Variants in EVC2 observed in about 807,000 individuals in gnomAD.
EVC2 encodes limbin.
A neutral mutation model predicts 149.3 loss-of-function variants in EVC2; 148 were observed. The ratio of observed to expected loss-of-function variants is 0.99; its 90% CI spans 0.87 to 1.14. The LOEUF (loss-of-function observed/expected upper bound fraction) is 1.14, where lower values mean the gene tolerates loss of function less well. EVC2 is among the 50% of genes most tolerant of loss of function. The pLI is 0.00. For synonymous variants in EVC2, 776 were observed against 649.9 expected (o/e 1.19, Z -2.95); for missense variants, 1,854 against 1,627.3 (o/e 1.14, Z -2.40).
intron 19 of EVC2, among the ~76,000 whole-genome samples, chr4:5,574,051 T>A (rs1722779826): frequency 6.6e-6 from 1 of 152,258 alleles, no homozygotes; most frequent in Admixed American, 6.5e-5. Flanking sequence ...TGTCACTGCA[T>A]CAGCGAGCAC....
chr4:5,555,582 G>T (rs145996864), intron 21 of EVC2, among the ~76,000 whole-genome samples: 10 of 152,130 alleles, frequency 6.6e-5, no homozygotes, highest in South Asian at 6.2e-4. Flanking sequence ...TATGGTAAAG[G>T]GATCAATTCA....
At chr4:5,669,691 T>G (rs548397811) in intron 7 of EVC2, among the ~76,000 whole-genome samples, 2 of 152,300 alleles carry the variant, frequency 1.3e-5, no homozygotes, top group East Asian at 3.9e-4. Context: ...CTACCTCAAA[T>G]CTCTTCCTCT....
In EVC2 at chr4:5,591,745, G is replaced by T. The variant is rs879896308; in HGVS notation, c.2830-6895C>A. 5.9e-5 allele frequency among the ~76,000 whole-genome samples: 9 copies of T among 152,260 alleles called. No homozygotes were observed. In the South Asian group the frequency reaches 1.5e-3, roughly 25 times the overall value. On this transcript the variant is annotated intron_variant, in intron 16 of 21. Transcript: ENST00000344408. ...CCATGAGAATGTGTCTCTAGAGAGG[G>T]TTTTAATCCTTTGTCTAGAAGAAAT...
chr4:5,682,842 G>A (rs1720443954), intron 6 of EVC2, among the ~76,000 whole-genome samples: 1 of 151,218 alleles, frequency 6.6e-6, no homozygotes, highest in South Asian at 2.1e-4. Context: ...CTGGGCGACA[G>A]GAGTGAAACG....
At chr4:5,683,811 G>C (rs115892962) in intron 6 of EVC2, among the ~76,000 whole-genome samples, 24 of 107,782 alleles carry the variant, frequency 2.2e-4, no homozygotes, top group South Asian at 8.1e-4. Context: ...CACACAGCTG[G>C]CCAGGAACAC....
chr4:5,597,044 T>C (rs1055362470), intron 16 of EVC2, among the ~76,000 whole-genome samples: 1 of 152,150 alleles, frequency 6.6e-6, no homozygotes, highest in Non-Finnish European at 1.5e-5. Flanking sequence ...AATAGACTAA[T>C]AACAGGCTCT....
At chr4:5,685,546 AC>A in intron 5 of EVC2, 67 bp from the exon 6 acceptor site, 2 of 1,307,474 alleles carry the variant, frequency 1.5e-6, no homozygotes, top group Non-Finnish European at 2.2e-6. Context: ...ACCCCACCAC[AC>A]CCCAGACACA....
chr4:5,548,574 C>A (rs1435210047), intron 21 of EVC2, among the ~76,000 whole-genome samples: 1 of 151,842 alleles, frequency 6.6e-6, no homozygotes, highest in Admixed American at 6.6e-5. Flanking sequence ...AGAGTGTCTG[C>A]AGAAAATTTA....
intron 4 of EVC2, 34 bp downstream of exon 4, chr4:5,691,231 T>A: frequency 6.3e-7 from 1 of 1,585,404 alleles, no homozygotes; most frequent in South Asian, 1.1e-5. Context: ...CCAATTATTT[T>A]CTCTTCAAAT....
At chr4:5,617,300 A>C (rs1455418199) in intron 15 of EVC2, among the ~76,000 whole-genome samples, 2 of 152,130 alleles carry the variant, frequency 1.3e-5, no homozygotes, top group African/African-American at 4.8e-5. Flanking sequence ...CTGTTTTCTC[A>C]TCTGTAAAAT....
At chr4:5,609,429 C>A (rs1177309097) in intron 16 of EVC2, among the ~76,000 whole-genome samples, 1 of 152,226 alleles carries the variant, frequency 6.6e-6, no homozygotes, top group Non-Finnish European at 1.5e-5. Context: ...AAGCTGTCAA[C>A]TCAAGAGTGT....
chr4:5,706,892 G>A (rs966720913), intron 1 of EVC2, among the ~76,000 whole-genome samples: 1 of 152,102 alleles, frequency 6.6e-6, no homozygotes, highest in African/African-American at 2.4e-5. Flanking sequence ...TGAGGGTGAG[G>A]TACTCTACAC....
intron 9 of EVC2, among the ~76,000 whole-genome samples, chr4:5,653,112 T>C (rs1436051424): frequency 2.0e-5 from 3 of 152,154 alleles, no homozygotes; most frequent in Non-Finnish European, 4.4e-5. Context: ...ATGGGGTCCC[T>C]CCTGTGTCTA....
intron 16 of EVC2, among the ~76,000 whole-genome samples, chr4:5,593,087 C>T (rs948583329): frequency 2.6e-5 from 4 of 152,086 alleles, no homozygotes; most frequent in Non-Finnish European, 5.9e-5. Flanking sequence ...GTTTGCTTCC[C>T]ACTTCTGCCA....
intron 9 of EVC2, among the ~76,000 whole-genome samples, chr4:5,650,087 C>G (rs141170710): frequency 6.6e-6 from 1 of 152,282 alleles, no homozygotes; most frequent in Non-Finnish European, 1.5e-5. Context: ...CAATTTTGCT[C>G]TTAAAGATTT....
chr4:5,546,042 A>G (rs1253865673), intron 21 of EVC2, among the ~76,000 whole-genome samples: 2 of 152,190 alleles, frequency 1.3e-5, no homozygotes, highest in Admixed American at 6.5e-5. Context: ...TAGAATGGCA[A>G]TCATTAAAAA....
intron 16 of EVC2, among the ~76,000 whole-genome samples, chr4:5,595,523 G>T (rs1475160052): frequency 6.6e-6 from 1 of 152,136 alleles, no homozygotes; most frequent in Non-Finnish European, 1.5e-5. Context: ...AATGCTGAGA[G>T]ATTTTGTCAC....
At chr4:5,553,280 C>T (rs947094249) in intron 21 of EVC2, among the ~76,000 whole-genome samples, 3 of 152,082 alleles carry the variant, frequency 2.0e-5, no homozygotes, top group African/African-American at 4.8e-5. Context: ...ACAGATCTTG[C>T]GAGCACTCAC....
At position 5,615,551 on chromosome 4, in the gene EVC2, A is replaced by T. The variant is rs1715183217; in HGVS notation, c.2707-7T>A. On this transcript the variant is annotated splice_region_variant and splice_polypyrimidine_tract_variant and intron_variant, in intron 15 of 21. Transcript: ENST00000344408. ...TTCTCACCTTGGACTGTTGCTGGAG[A>T]GGGGTTGGGGAAGACGTGGGTAAGA... is the stretch of plus-strand genomic sequence containing the variant. 1 of 1,613,774 alleles carries T rather than the reference A, an allele frequency of 6.2e-7. No homozygotes were observed.
Sources: allele counts gnomAD v4.1 joint callset (sites outside exome capture counted in the v4.1 genomes callset), GRCh38; gene constraint gnomAD v4.1.1; transcripts MANE v1.5; gene names NCBI Gene and HGNC (gene_info 2026-07-23, HGNC 2026-07-21).